The following KCNIP3 variants were observed in gnomAD, a reference collection of about 807,000 sequenced individuals.
KCNIP3 encodes potassium voltage-gated channel interacting protein 3, also known as calsenilin.
A neutral mutation model predicts 35.0 loss-of-function variants in KCNIP3; 28 were observed. The observed-to-expected ratio is 0.80, with a 90% CI of 0.59 to 1.10. The LOEUF is 1.10. KCNIP3 is among the 50% of genes least tolerant of loss of function. The probability of loss-of-function intolerance (pLI) is 0.00; values close to 1 mark genes in which losing one functional copy is unlikely to be tolerated. For synonymous variants in KCNIP3, 134 were observed against 133.8 expected, an observed-to-expected ratio of 1.00 and a Z score of -0.01; for missense variants, 295 against 338.4, an observed-to-expected ratio of 0.87 and a Z score of 1.01.
intron 2 of KCNIP3, among the ~76,000 whole-genome samples, chr2:95,331,569 T>C (rs1251508501): frequency 6.6e-6 from 1 of 152,160 alleles, no homozygotes; most frequent in Non-Finnish European, 1.5e-5. Flanking sequence ...TGCACGCTGA[T>C]GTCTAAAGGC....
chr2:95,338,937 C>T (rs1227960909), intron 2 of KCNIP3, among the ~76,000 whole-genome samples: 2 of 152,324 alleles, frequency 1.3e-5, no homozygotes, highest in South Asian at 2.1e-4. Context: ...GAAAAGGCTT[C>T]ATAAGTGCTT....
intron 2 of KCNIP3, among the ~76,000 whole-genome samples, chr2:95,335,779 TTCTC>T (rs1194897045): frequency 6.6e-6 from 1 of 152,190 alleles, no homozygotes; most frequent in Non-Finnish European, 1.5e-5. Context: ...TTCCATGCTT[TTCTC>T]TCTCTCCTTT....
intron 2 of KCNIP3, among the ~76,000 whole-genome samples, chr2:95,350,810 C>T (rs938325079): frequency 2.6e-5 from 4 of 152,216 alleles, no homozygotes; most frequent in Non-Finnish European, 5.9e-5. Context: ...GCATCGAACT[C>T]TAAATCTCTG....
At position 95,381,680 on chromosome 2, in the gene KCNIP3, A is replaced by T; in HGVS notation, c.532A>T (p.Lys178Ter). 6.2e-7 allele frequency: 1 copy of T among 1,613,538 alleles called. No homozygotes were observed. ...GGCCTTTAATCTCTACGACATTAAC[A>T]AGGATGGCTACATCACCAAAGAGGT... ...KWAFNLYDIN[K>*]DGYITKEEML... Residue 178 changes from lysine (K) to a stop codon, truncating the protein, a stop_gained, in exon 6 of 9, where the codon AAG (lysine) becomes TAG (stop). Coordinates refer to ENST00000295225, the MANE Select transcript of KCNIP3 (RefSeq NM_013434.5). LOFTEE classifies it high-confidence loss of function.
At chr2:95,327,046 A>G (rs1242557216) in intron 2 of KCNIP3, among the ~76,000 whole-genome samples, 1 of 152,222 alleles carries the variant, frequency 6.6e-6, no homozygotes, top group Non-Finnish European at 1.5e-5. Flanking sequence ...TGCACGGGAC[A>G]AGTCACTCTC....
At position 95,382,772 on chromosome 2, in the gene KCNIP3, C is replaced by G; in HGVS notation, c.660+291C>G. On this transcript the variant is annotated intron_variant, in intron 7 of 8. Coordinates refer to ENST00000295225, the MANE Select transcript of KCNIP3 (RefSeq NM_013434.5). The surrounding 1 kb of genome is among the most constrained non-coding windows in gnomAD (Gnocchi z 4.5). ...GAGCTGTGTGGCTCCTCCAGGAAGA[C>G]GCTCTGGGAGAGGAGCAGGTTGGGG... Among the ~76,000 whole-genome samples the G allele has an allele frequency of 6.6e-6, 1 of 152,210 alleles. No homozygotes were observed. The highest frequency in any genetic ancestry group is 1.9e-4 in the East Asian group (1 of 5,188).
At chr2:95,374,273 C>T (rs1376514915) in intron 2 of KCNIP3, 23 bp from the exon 3 acceptor site, 2 of 1,611,868 alleles carry the variant, frequency 1.2e-6, no homozygotes, top group African/African-American at 2.7e-5. Flanking sequence ...GCCTTACACT[C>T]TCTGGTCTGT....
chr2:95,299,281 G>A (rs1677958897), intron 1 of KCNIP3, among the ~76,000 whole-genome samples: 1 of 152,214 alleles, frequency 6.6e-6, no homozygotes, highest in Non-Finnish European at 1.5e-5. Flanking sequence ...GCCCAGCAGA[G>A]ACAGTGGTCC....
At chr2:95,357,780 T>C (rs1456329628) in intron 2 of KCNIP3, among the ~76,000 whole-genome samples, 1 of 152,174 alleles carries the variant, frequency 6.6e-6, no homozygotes, top group Non-Finnish European at 1.5e-5. Flanking sequence ...ATGTGTACTT[T>C]TGGAAATATC....
chr2:95,376,609 T>G lies in KCNIP3; in HGVS notation c.447+1401T>G, dbSNP rs1680203162. The stretch of plus-strand genomic sequence containing the variant: ...GGGCCTTCTGCAGCTTCTCTGCACG[T>G]GAAACGAAGTCCTCTGGCTTCACGC... On this transcript the variant is annotated intron_variant, in intron 5 of 8. Coordinates refer to ENST00000295225, the MANE Select transcript of KCNIP3 (RefSeq NM_013434.5). The surrounding 1 kb of genome is among the most constrained non-coding windows in gnomAD (Gnocchi z 4.2). 1.3e-5 allele frequency among the ~76,000 whole-genome samples: 2 copies of G among 152,362 alleles called. No homozygotes were observed. Among genetic ancestry groups the G allele is most frequent in the South Asian group, 4.1e-4 (2 of 4,830 alleles).
At chr2:95,369,190 A>G (rs1430052348) in intron 2 of KCNIP3, among the ~76,000 whole-genome samples, 1 of 152,178 alleles carries the variant, frequency 6.6e-6, no homozygotes, top group Non-Finnish European at 1.5e-5. Context: ...ATTTTGTCAA[A>G]TGCTTTTTCT....
At chr2:95,372,960 C>T (rs1005291752) in intron 2 of KCNIP3, among the ~76,000 whole-genome samples, 26 of 152,300 alleles carry the variant, frequency 1.7e-4, no homozygotes, top group African/African-American at 5.5e-4. Context: ...TCGGGAGAGG[C>T]CTGGGTATGG....
chr2:95,347,210 C>A, intron 2 of KCNIP3: 1 of 1,226,166 alleles, frequency 8.2e-7, no homozygotes, highest in Non-Finnish European at 1.2e-6. Flanking sequence ...CCGGGGTGCA[C>A]TGGTCTGGCG....
chr2:95,374,367 C>T lies in KCNIP3; in HGVS notation c.253C>T (p.Gln85Ter). ...QPEGLDQLQA[Q>*]TKFTKKELQS... is the part of the protein sequence containing the mutation. ...AGAGGGGCTGGACCAGCTGCAGGCC[C>T]AGACCAAGTTCACCAAGAAGGAGCT... Residue 85 changes from glutamine to a stop codon, truncating the protein, a stop_gained, in exon 3 of 9, where the codon CAG becomes TAG. Coordinates refer to ENST00000295225, the MANE Select transcript of KCNIP3 (RefSeq NM_013434.5). LOFTEE classifies it high-confidence loss of function. The T allele has an allele frequency of 1.2e-6, 2 of 1,614,216 alleles. No individual in the cohort carries two copies. The highest frequency in any genetic ancestry group is 8.5e-7 in the Non-Finnish European group (1 of 1,180,008).
At chr2:95,310,875 C>A (rs1410119179) in intron 2 of KCNIP3, 1 of 330,116 alleles carries the variant, frequency 3.0e-6, no homozygotes, top group Non-Finnish European at 5.8e-6. Context: ...CTCATTGATC[C>A]TTTCTAAGCC....
At chr2:95,315,352 A>G (rs1265197227) in intron 2 of KCNIP3, among the ~76,000 whole-genome samples, 1 of 152,158 alleles carries the variant, frequency 6.6e-6, no homozygotes, top group Non-Finnish European at 1.5e-5. Context: ...AGCAAATGCC[A>G]GAGGAGCCAG....
intron 2 of KCNIP3, chr2:95,311,857 C>T (rs1558759413): frequency 6.6e-6 from 1 of 152,210 alleles, no homozygotes; most frequent in Non-Finnish European, 1.5e-5. Context: ...ACATGCACCC[C>T]CAACTTCTCG....
intron 2 of KCNIP3, among the ~76,000 whole-genome samples, chr2:95,322,403 G>T (rs1678618035): frequency 6.6e-6 from 1 of 152,268 alleles, no homozygotes; most frequent in African/African-American, 2.4e-5. Context: ...GTAGAGGGTT[G>T]TCAGAGGCAC....
intron 2 of KCNIP3, among the ~76,000 whole-genome samples, chr2:95,315,459 C>G (rs532107649): frequency 6.6e-6 from 1 of 152,192 alleles, no homozygotes; most frequent in African/African-American, 2.4e-5. Flanking sequence ...ACTTGTGAAG[C>G]ACTTGCTGTC....
Sources: gnomAD v4.1 joint callset for allele counts (sites outside exome capture counted in the v4.1 genomes callset) on GRCh38, gnomAD v4.1.1 for gene constraint, Gnocchi (gnomAD v3.1) non-coding constraint, MANE v1.5 for transcripts, NCBI Gene and HGNC (gene_info 2026-07-23, HGNC 2026-07-21) for gene names.